Variants in ELAVL2 observed in about 807,000 individuals in gnomAD.
ELAVL2 encodes ELAV like RNA binding protein 2.
A neutral mutation model predicts 34.6 loss-of-function variants in ELAVL2; 4 were observed. The observed-to-expected ratio is 0.12, with a 90% confidence interval of 0.06 to 0.26. ELAVL2 has a LOEUF of 0.26. ELAVL2 is among the 10% of genes least tolerant of loss of function. ELAVL2 has a pLI of 1.00. For synonymous variants in ELAVL2, 193 were observed against 154.8 expected (o/e 1.25, Z -1.83); for missense variants, 432 against 442.8 (o/e 0.98, Z 0.22).
At chr9:23,752,471 G>T (rs998315138) in intron 2 of ELAVL2, among the ~76,000 whole-genome samples, 34 of 143,808 alleles carry the variant, frequency 2.4e-4, no homozygotes, top group African/African-American at 6.8e-4. Context: ...ACTTTTTTTT[G>T]TTTTTTTTTT....
At chr9:23,764,766 C>A (rs757482007) in intron 1 of ELAVL2, among the ~76,000 whole-genome samples, 1 of 151,948 alleles carries the variant, frequency 6.6e-6, no homozygotes, top group Non-Finnish European at 1.5e-5. Context: ...TTTGAGTCTG[C>A]GCTAAATCCT....
chr9:23,730,921 T>G, intron 3 of ELAVL2, 101 bp downstream of exon 3: 1 of 1,116,646 alleles, frequency 9.0e-7, no homozygotes, highest in Non-Finnish European at 1.3e-6. Flanking sequence ...CAGGTAACTG[T>G]TTATATGGGC....
chr9:23,834,527 T>A, the ELAVL2 span, among the ~76,000 whole-genome samples: 1 of 152,002 alleles, frequency 6.6e-6, no homozygotes, highest in Non-Finnish European at 1.5e-5. Context: ...TATAAAATAC[T>A]CAAAACTTCC....
chr9:23,762,040 T>C lies in ELAVL2; in HGVS notation c.195A>G (p.Ile65Met), dbSNP rs768344657. Residue 65 changes from isoleucine (I) to methionine (M), a missense_variant, in exon 2 of 7, where the codon ATA (isoleucine) becomes ATG (methionine). Physicochemically the swap from Ile to Met is conservative, Grantham distance 10. Around this residue, in one of 3 missense-constraint regions of ELAVL2, gnomAD observed 132 missense variants for 118.3 expected, o/e 1.12. Transcript: ENST00000397312. Reference protein sequence around the residue: ...LKSLFGSIGEIESCKLVRDKI... With the variant: ...LKSLFGSIGEMESCKLVRDKI... ...TGTCTCTTACAAGCTTACAGGACTC[T>C]ATTTCACCAATGCTCCCAAAGAGAC... is the stretch of plus-strand genomic sequence containing the variant. 3 of 1,613,102 alleles carry C rather than the reference T, an allele frequency of 1.9e-6. No homozygotes were observed. Among genetic ancestry groups the C allele is most frequent in the East Asian group, 2.2e-5 (1 of 44,858 alleles).
chr9:23,813,645 A>AG (rs748127558), intron 1 of ELAVL2, among the ~76,000 whole-genome samples: 21 of 152,196 alleles, frequency 1.4e-4, no homozygotes, highest in South Asian at 6.2e-4. Context: ...CTAAAATCCC[A>AG]GGGGGGGAGG....
chr9:23,806,284 A>G (rs1403149191), intron 1 of ELAVL2, among the ~76,000 whole-genome samples: 1 of 152,174 alleles, frequency 6.6e-6, no homozygotes, highest in East Asian at 1.9e-4. Flanking sequence ...TGTAACATTT[A>G]CCTTCAGCAT....
At chr9:23,704,151 T>TTTTTTTTTTTTTTTTTGAGAC (rs1473637219) in intron 4 of ELAVL2, among the ~76,000 whole-genome samples, 2 of 151,730 alleles carry the variant, frequency 1.3e-5, no homozygotes, top group Non-Finnish European at 1.5e-5. Context: ...ACGCTGGTCT[T>TTTTTTTTTTTTTTTTTGAGAC]GAACTCCCAG....
intron 1 of ELAVL2, among the ~76,000 whole-genome samples, chr9:23,800,558 C>A (rs1588634533): frequency 6.6e-6 from 1 of 152,290 alleles, no homozygotes; most frequent in East Asian, 1.9e-4. Flanking sequence ...CTTAAGATAT[C>A]AGATGGAAAT....
chr9:23,776,943 T>C (rs1182908365), intron 1 of ELAVL2, among the ~76,000 whole-genome samples: 1 of 152,060 alleles, frequency 6.6e-6, no homozygotes, highest in Non-Finnish European at 1.5e-5. Flanking sequence ...ACTAAGAAAA[T>C]TTTAAATTAT....
chr9:23,826,279 T>TA (rs1475737520), upstream of ELAVL2: 2 of 152,368 alleles, frequency 1.3e-5, no homozygotes, highest in Non-Finnish European at 2.9e-5. Flanking sequence ...TATAGCACCG[T>TA]ATCACCAACC....
intron 3 of ELAVL2, among the ~76,000 whole-genome samples, chr9:23,717,520 C>T (rs945314045): frequency 1.3e-5 from 2 of 152,162 alleles, no homozygotes; most frequent in African/African-American, 2.4e-5. Context: ...CAGATGTAAG[C>T]TTCTCCTAAA....
At chr9:23,794,001 T>C (rs1186726174) in intron 1 of ELAVL2, among the ~76,000 whole-genome samples, 1 of 152,214 alleles carries the variant, frequency 6.6e-6, no homozygotes, top group African/African-American at 2.4e-5. Context: ...TGACTCCACC[T>C]GTATGTGGTC....
chr9:23,796,944 T>G (rs2061003948), intron 1 of ELAVL2, among the ~76,000 whole-genome samples: 2 of 152,144 alleles, frequency 1.3e-5, no homozygotes, highest in Non-Finnish European at 2.9e-5. Context: ...ATTTGAGAGA[T>G]AGCTAACTAT....
intron 3 of ELAVL2, among the ~76,000 whole-genome samples, chr9:23,727,688 T>C (rs914643809): frequency 6.6e-6 from 1 of 152,066 alleles, no homozygotes; most frequent in Non-Finnish European, 1.5e-5. Context: ...TCTAACTCAC[T>C]TCCCTTGGGA....
At chr9:23,820,891 T>C (rs1398572771) in intron 1 of ELAVL2, among the ~76,000 whole-genome samples, 1 of 152,076 alleles carries the variant, frequency 6.6e-6, no homozygotes, top group Non-Finnish European at 1.5e-5. Context: ...AAACCCGAGA[T>C]GTGACCGCGA....
intron 3 of ELAVL2, among the ~76,000 whole-genome samples, chr9:23,715,399 C>T (rs753417831): frequency 1.7e-4 from 26 of 152,180 alleles, no homozygotes; most frequent in Admixed American, 3.9e-4. Flanking sequence ...CCGCCCGTCT[C>T]GGCCTCCCAA....
At chr9:23,798,153 G>T (rs893809256) in intron 1 of ELAVL2, among the ~76,000 whole-genome samples, 1 of 152,174 alleles carries the variant, frequency 6.6e-6, no homozygotes, top group African/African-American at 2.4e-5. Context: ...TCCTTTAACT[G>T]TCTCTTACAA....
intron 3 of ELAVL2, among the ~76,000 whole-genome samples, chr9:23,705,417 C>CTT (rs1184048159): frequency 6.6e-6 from 1 of 152,216 alleles, no homozygotes; most frequent in African/African-American, 2.4e-5. Context: ...GATTCAACAA[C>CTT]TGCCTGCTCA....
rs796357937 is a variant in ELAVL2 at position 23,812,608 on chromosome 9, A to G, written c.-16+13198T>C. Among the ~76,000 whole-genome samples the G allele has an allele frequency of 1.8e-4, 28 of 152,296 alleles. 1 individual carries two copies. The highest frequency in any genetic ancestry group is 6.7e-4 in the African/African-American group (28 of 41,578). Reference sequence around the variant, plus strand: ...AAAGAATCATATAATCATAGAATAGAAGATGCTTGGTACCAAGAATTTTTA... The same window carrying G: ...AAAGAATCATATAATCATAGAATAGGAGATGCTTGGTACCAAGAATTTTTA... On this transcript the variant is annotated intron_variant, in intron 1 of 6. Transcript: ENST00000397312.
Sources: allele counts gnomAD v4.1 joint callset (sites outside exome capture counted in the v4.1 genomes callset), GRCh38; gene constraint gnomAD v4.1.1; regional missense constraint gnomAD v4.1.1; transcripts MANE v1.5; gene names NCBI Gene and HGNC (gene_info 2026-07-23, HGNC 2026-07-21).